Variants in ZFAT observed in about 807,000 individuals in gnomAD.
The protein encoded by ZFAT is zinc finger protein ZFAT.
In ZFAT, 64 loss-of-function variants were observed where a neutral mutation model predicts 117.7. The observed-to-expected ratio is 0.54, with a 90% CI of 0.44 to 0.67. The LOEUF is 0.67. Among genes scored for constraint, ZFAT ranks in the 30% least tolerant of loss-of-function variants. ZFAT has a pLI of 0.00. For missense variants in ZFAT, 1,433 were observed against 1,584.5 expected (o/e 0.90, Z 1.62); for synonymous variants, 679 against 615.0 (o/e 1.10, Z -1.54).
intron 2 of ZFAT, 111 bp downstream of exon 2, chr8:134,657,450 G>A: frequency 1.8e-6 from 2 of 1,138,596 alleles, no homozygotes; most frequent in Non-Finnish European, 2.5e-6. Context: ...GACTTATTGT[G>A]ACTTCTGATT....
At chr8:134,805,650 A>G in the ZFAT span, among the ~76,000 whole-genome samples, 3 of 152,258 alleles carry the variant, frequency 2.0e-5, no homozygotes, top group Non-Finnish European at 4.4e-5. Flanking sequence ...TCTGCATTCC[A>G]TCAAAAACCA....
intron 10 of ZFAT, among the ~76,000 whole-genome samples, chr8:134,569,791 C>A (rs1281556779): frequency 1.3e-5 from 2 of 152,174 alleles, no homozygotes; most frequent in Non-Finnish European, 2.9e-5. Context: ...CTCCCTGACA[C>A]TCCCTGAGAC....
In ZFAT at chr8:134,602,811, T is replaced by C; in HGVS notation, c.908A>G (p.Gln303Arg). 1 of 1,614,198 alleles carries C rather than the reference T, an allele frequency of 6.2e-7. No individual in the cohort carries two copies. The highest frequency in any genetic ancestry group is 8.5e-7 in the Non-Finnish European group (1 of 1,180,032). Reference sequence around the variant, plus strand: ...CTTGATGGCACTGGCATAGCTGCACTGGGGGCACTTGTATGGCTTTTCATT... The same window carrying C: ...CTTGATGGCACTGGCATAGCTGCACCGGGGGCACTTGTATGGCTTTTCATT... Reference protein sequence around the residue: ...HTNEKPYKCPQCSYASAIKAN... With the variant: ...HTNEKPYKCPRCSYASAIKAN... Residue 303 changes from glutamine to arginine, a missense_variant, in exon 6 of 16, where the codon CAG becomes CGG. Around this residue, in one of 5 missense-constraint regions of ZFAT, gnomAD observed 436 missense variants for 482.0 expected, o/e 0.90. Coordinates refer to ENST00000377838, the MANE Select transcript of ZFAT (RefSeq NM_020863.4).
chr8:134,813,643 G>A, the ZFAT span, among the ~76,000 whole-genome samples: 1 of 152,098 alleles, frequency 6.6e-6, no homozygotes, highest in Admixed American at 6.6e-5. Flanking sequence ...TCCAACTCCT[G>A]ACCTCAGTTG....
chr8:134,830,145 T>C, the ZFAT span, among the ~76,000 whole-genome samples: 28,249 of 152,094 alleles, frequency 0.19, 2,859 homozygotes, highest in Non-Finnish European at 0.23. Context: ...ATGCTAAGTG[T>C]TGATTTGTCC....
At chr8:134,734,971 G>A in the ZFAT span, among the ~76,000 whole-genome samples, 9 of 152,074 alleles carry the variant, frequency 5.9e-5, no homozygotes, top group Non-Finnish European at 1.0e-4. Context: ...CAGTCTCCAG[G>A]GCCATGAACC....
chr8:134,767,635 G>GA, the ZFAT span, among the ~76,000 whole-genome samples: 5 of 152,220 alleles, frequency 3.3e-5, no homozygotes, highest in Non-Finnish European at 1.5e-5. Flanking sequence ...CCAAGAATTT[G>GA]AAACCAACCT....
chr8:134,734,085 G>T, the ZFAT span, among the ~76,000 whole-genome samples: 3 of 152,224 alleles, frequency 2.0e-5, no homozygotes, highest in East Asian at 1.9e-4. Context: ...TTATTAAGGG[G>T]TTTTTGCCAT....
At chr8:134,586,906 T>C (rs143087122) in intron 9 of ZFAT, among the ~76,000 whole-genome samples, 79 of 152,348 alleles carry the variant, frequency 5.2e-4, no homozygotes, top group Middle Eastern at 6.8e-3. Context: ...AGCCTCATTT[T>C]CCTCATTGGT....
intron 4 of ZFAT, among the ~76,000 whole-genome samples, chr8:134,609,458 C>T (rs1828154262): frequency 6.6e-6 from 1 of 152,170 alleles, no homozygotes; most frequent in Non-Finnish European, 1.5e-5. Flanking sequence ...GTAGGGCAGA[C>T]AAAGTGACTT....
Position 134,555,961 on chromosome 8 carries a change from A to T in ZFAT, c.2976+9372T>A, listed in dbSNP as rs781253371. 4.8e-4 allele frequency among the ~76,000 whole-genome samples: 62 copies of T among 128,798 alleles called. No homozygotes were observed. In the Admixed American group the frequency reaches 5.0e-3, roughly 10 times the overall value. The allele number at this position is 128,798 out of a possible 152,430, so 84.5% of individuals were successfully genotyped here. ...AAGCAAGATACAAAAAGAAGGAAGG[A>T]GGGAAGGAGGGAGGGAGGGAAGGAG... On this transcript the variant is annotated intron_variant, in intron 11 of 15. Transcript: ENST00000377838.
the ZFAT span, among the ~76,000 whole-genome samples, chr8:134,823,674 G>A: frequency 6.6e-6 from 1 of 152,070 alleles, no homozygotes; most frequent in Non-Finnish European, 1.5e-5. Context: ...ACACTTGAAG[G>A]CCCCTTTAAG....
At chr8:134,644,065 G>A (rs1035440237) in intron 2 of ZFAT, among the ~76,000 whole-genome samples, 2 of 152,312 alleles carry the variant, frequency 1.3e-5, no homozygotes, top group South Asian at 2.1e-4. Flanking sequence ...ATTAGAGGAC[G>A]TCTTTAGCAG....
At chr8:134,738,205 T>C in the ZFAT span, among the ~76,000 whole-genome samples, 355 of 152,276 alleles carry the variant, frequency 2.3e-3, 1 homozygote, top group Non-Finnish European at 3.9e-3. Context: ...AAAACAAACA[T>C]CACAGGACTC....
chr8:134,582,984 CCTGT>C (rs963629120), intron 10 of ZFAT, among the ~76,000 whole-genome samples: 110 of 152,296 alleles, frequency 7.2e-4, no homozygotes, highest in African/African-American at 2.1e-3. Flanking sequence ...CCTCACACAA[CCTGT>C]CTAAGTAAAA....
At chr8:134,496,990 C>A (rs533161763) in intron 15 of ZFAT, among the ~76,000 whole-genome samples, 134 of 152,356 alleles carry the variant, frequency 8.8e-4, no homozygotes, top group Non-Finnish European at 1.7e-3. Context: ...GGGACCCCCG[C>A]CCCCATAGGT....
At chr8:134,807,354 T>C in the ZFAT span, among the ~76,000 whole-genome samples, 1 of 152,216 alleles carries the variant, frequency 6.6e-6, no homozygotes, top group Non-Finnish European at 1.5e-5. Flanking sequence ...AAGAGAGTTT[T>C]ACTGGGTTTA....
the ZFAT span, among the ~76,000 whole-genome samples, chr8:134,778,497 AT>A: frequency 6.6e-6 from 1 of 152,170 alleles, no homozygotes; most frequent in East Asian, 1.9e-4. Flanking sequence ...TCCTTCATCC[AT>A]CCATCTGCTC....
At chr8:134,620,902 G>A (rs985795827) in intron 3 of ZFAT, among the ~76,000 whole-genome samples, 4 of 152,058 alleles carry the variant, frequency 2.6e-5, no homozygotes, top group African/African-American at 7.2e-5. Flanking sequence ...GGGCTTGCTG[G>A]GGTGACCCAG....
Sources: allele counts gnomAD v4.1 joint callset (sites outside exome capture counted in the v4.1 genomes callset), GRCh38; gene constraint gnomAD v4.1.1; regional missense constraint gnomAD v4.1.1; transcripts MANE v1.5; gene names NCBI Gene and HGNC (gene_info 2026-07-23, HGNC 2026-07-21).